DPF3: variants seen among roughly 807,000 people sequenced by gnomAD.
DPF3 encodes double PHD fingers 3.
Under a neutral mutation model 56.8 loss-of-function variants are expected in DPF3, and 18 were observed. The observed-to-expected ratio is 0.32, with a 90% CI of 0.22 to 0.47. DPF3 has a LOEUF of 0.47. Ranked by LOEUF, DPF3 falls within the 20% of genes least tolerant of loss-of-function variation. DPF3 has a pLI of 1.00. For synonymous variants in DPF3, 188 were observed against 180.2 expected, an observed-to-expected ratio of 1.04 and a Z score of -0.35; for missense variants, 403 against 488.8, an observed-to-expected ratio of 0.82 and a Z score of 1.65.
chr14:72,795,358 T>C (rs1425326852), intron 1 of DPF3, among the ~76,000 whole-genome samples: 4 of 148,518 alleles, frequency 2.7e-5, no homozygotes, highest in African/African-American at 9.9e-5. Context: ...TGGAACCACA[T>C]CGCTCTGGGT....
At chr14:72,845,091 A>G (rs1364617570) in intron 1 of DPF3, among the ~76,000 whole-genome samples, 1 of 152,114 alleles carries the variant, frequency 6.6e-6, no homozygotes. Context: ...GGTGACAGAG[A>G]AAGACCTTGT....
chr14:72,856,915 G>A (rs1885191647), intron 1 of DPF3, among the ~76,000 whole-genome samples: 1 of 152,218 alleles, frequency 6.6e-6, no homozygotes, highest in Non-Finnish European at 1.5e-5. Context: ...GGACTTAGGA[G>A]TTCACCGGGA....
At chr14:72,757,951 A>G (rs547848368) in intron 2 of DPF3, among the ~76,000 whole-genome samples, 1 of 152,204 alleles carries the variant, frequency 6.6e-6, no homozygotes, top group East Asian at 1.9e-4. Flanking sequence ...TTATGGGGGT[A>G]TAAGCCAAAA....
intron 3 of DPF3, among the ~76,000 whole-genome samples, chr14:72,741,756 C>T (rs1382477021): frequency 6.6e-6 from 1 of 152,250 alleles, no homozygotes; most frequent in Non-Finnish European, 1.5e-5. Context: ...TGGGCCCTCG[C>T]CGTCAAGTTG....
intron 2 of DPF3, among the ~76,000 whole-genome samples, chr14:72,758,566 C>T (rs1413534677): frequency 6.6e-6 from 1 of 152,130 alleles, no homozygotes; most frequent in Middle Eastern, 3.2e-3. Flanking sequence ...CCATTTATGC[C>T]TGTGAGGAAA....
At chr14:72,808,042 C>T (rs1010139111) in intron 1 of DPF3, among the ~76,000 whole-genome samples, 1 of 152,144 alleles carries the variant, frequency 6.6e-6, no homozygotes, top group Admixed American at 6.5e-5. Context: ...CACCCCCAGC[C>T]TGACCTGATG....
At chr14:72,834,494 CAAA>C (rs375709642) in intron 1 of DPF3, among the ~76,000 whole-genome samples, 6 of 91,426 alleles carry the variant, frequency 6.6e-5, no homozygotes, top group Non-Finnish European at 8.2e-5. Context: ...GAGACTGTCT[CAAA>C]AAAAAAAAAA....
At chr14:72,644,351 A>T (rs531274375) in intron 8 of DPF3, among the ~76,000 whole-genome samples, 2 of 152,346 alleles carry the variant, frequency 1.3e-5, no homozygotes, top group East Asian at 3.9e-4. Flanking sequence ...ATCTGTTTCC[A>T]TCGGCCAAAT....
intron 7 of DPF3, among the ~76,000 whole-genome samples, chr14:72,685,891 A>G (rs1433580096): frequency 6.6e-6 from 1 of 152,214 alleles, no homozygotes; most frequent in African/African-American, 2.4e-5. Flanking sequence ...TCCTAGGGCA[A>G]TGGCTTGGCA....
chr14:72,723,220 T>C (rs1889256633), intron 5 of DPF3, among the ~76,000 whole-genome samples: 1 of 151,754 alleles, frequency 6.6e-6, no homozygotes, highest in East Asian at 1.9e-4. Context: ...CAGTGTGTGA[T>C]GTTCCCCTTC....
chr14:72,794,396 T>A (rs1162457670), intron 1 of DPF3, among the ~76,000 whole-genome samples: 1 of 152,048 alleles, frequency 6.6e-6, no homozygotes, highest in South Asian at 2.1e-4. Flanking sequence ...GCAGAATGCA[T>A]GAAAAAATAA....
chr14:72,870,525 G>C (rs1358425477), intron 1 of DPF3, among the ~76,000 whole-genome samples: 1 of 152,216 alleles, frequency 6.6e-6, no homozygotes, highest in East Asian at 1.9e-4. Flanking sequence ...TATGCAATAA[G>C]CTGTGCTCCT....
intron 8 of DPF3, among the ~76,000 whole-genome samples, chr14:72,639,940 C>A (rs1173969011): frequency 1.3e-5 from 2 of 148,458 alleles, no homozygotes; most frequent in African/African-American, 5.0e-5. Flanking sequence ...AATGAAGTTC[C>A]TACAGATAAG....
intron 6 of DPF3, among the ~76,000 whole-genome samples, chr14:72,711,778 C>T (rs1396899421): frequency 2.0e-5 from 3 of 152,132 alleles, no homozygotes; most frequent in Non-Finnish European, 4.4e-5. Context: ...TAAGGAAAAA[C>T]ACTCATTCGA....
At chr14:72,695,891 C>G (rs562398924) in intron 6 of DPF3, among the ~76,000 whole-genome samples, 1 of 152,116 alleles carries the variant, frequency 6.6e-6, no homozygotes, top group Non-Finnish European at 1.5e-5. Flanking sequence ...CATATATTCT[C>G]TCTTCCTCTC....
intron 8 of DPF3, chr14:72,670,321 T>C: frequency 1.0e-6 from 1 of 986,218 alleles, no homozygotes; most frequent in Non-Finnish European, 1.2e-6. Context: ...AGGAGGAAAG[T>C]GAGGAAAAAC....
At chr14:72,684,140 G>A (rs951196376) in intron 7 of DPF3, among the ~76,000 whole-genome samples, 2 of 152,096 alleles carry the variant, frequency 1.3e-5, no homozygotes, top group Non-Finnish European at 2.9e-5. Context: ...TCAACCTCCT[G>A]GCTTCAAGCA....
At chr14:72,638,630 A>G (rs982268624) in intron 8 of DPF3, among the ~76,000 whole-genome samples, 7 of 152,168 alleles carry the variant, frequency 4.6e-5, no homozygotes, top group Non-Finnish European at 1.5e-5. Flanking sequence ...TAAGTTCTTG[A>G]GTTGCCTGAG....
intron 1 of DPF3, chr14:72,892,632 AG>A: frequency 8.7e-7 from 1 of 1,148,412 alleles, no homozygotes; most frequent in Non-Finnish European, 1.1e-6. Flanking sequence ...AGGAGTGGCC[AG>A]GGGTGAAGAC....
Sources: gnomAD v4.1 joint callset for allele counts (sites outside exome capture counted in the v4.1 genomes callset) on GRCh38, gnomAD v4.1.1 for gene constraint, MANE v1.5 for transcripts, NCBI Gene and HGNC (gene_info 2026-07-23, HGNC 2026-07-21) for gene names.